GPM6A: variants seen among roughly 807,000 people sequenced by gnomAD.
GPM6A encodes glycoprotein M6A, also known as neuronal membrane glycoprotein M6-a.
In GPM6A, 7 loss-of-function variants were observed where a neutral mutation model predicts 32.1. The ratio of observed to expected loss-of-function variants is 0.22; its 90% CI spans 0.12 to 0.41. GPM6A has a LOEUF of 0.41. Ranked by LOEUF, GPM6A falls within the 10% of genes least tolerant of loss-of-function variation. The probability of loss-of-function intolerance (pLI) is 1.00; values close to 1 mark genes in which losing one functional copy is unlikely to be tolerated. For synonymous variants in GPM6A, 130 were observed against 123.4 expected (o/e 1.05, Z -0.35); for missense variants, 235 against 347.2 (o/e 0.68, Z 2.57).
intron 1 of GPM6A, among the ~76,000 whole-genome samples, chr4:175,873,183 G>GT (rs1736966088): frequency 7.5e-6 from 1 of 132,526 alleles, no homozygotes; most frequent in Non-Finnish European, 1.7e-5. Context: ...ACATAAGTAG[G>GT]TCCTAAAAAA....
intron 2 of GPM6A, among the ~76,000 whole-genome samples, chr4:175,686,887 A>G (rs1279794624): frequency 1.3e-5 from 2 of 152,256 alleles, no homozygotes; most frequent in South Asian, 2.1e-4. Context: ...GTGGTTTGAC[A>G]CACAAGTTGC....
chr4:175,805,875 T>C (rs894457092), intron 1 of GPM6A: 2 of 151,806 alleles, frequency 1.3e-5, no homozygotes, highest in Non-Finnish European at 2.9e-5. Context: ...ACTCACAATT[T>C]GAAAAAAAAA....
intron 1 of GPM6A, among the ~76,000 whole-genome samples, chr4:175,762,785 C>G (rs1053309594): frequency 1.3e-5 from 2 of 152,064 alleles, no homozygotes; most frequent in Non-Finnish European, 2.9e-5. Flanking sequence ...CCCACAACCC[C>G]CAGGGTGAGT....
At chr4:175,637,329 ATATAT>A (rs1740762115) in intron 6 of GPM6A, among the ~76,000 whole-genome samples, 1 of 46,014 alleles carries the variant, frequency 2.2e-5, no homozygotes, top group South Asian at 8.6e-4. Context: ...AATATATATT[ATATAT>A]TATATATTAT....
chr4:175,753,307 T>C (rs1426489086), intron 1 of GPM6A, among the ~76,000 whole-genome samples: 1 of 152,126 alleles, frequency 6.6e-6, no homozygotes, highest in Non-Finnish European at 1.5e-5. Context: ...AGAAAGCTGT[T>C]CAAAATGATC....
intron 1 of GPM6A, among the ~76,000 whole-genome samples, chr4:175,712,326 G>C (rs960245934): frequency 6.6e-6 from 1 of 152,092 alleles, no homozygotes; most frequent in Non-Finnish European, 1.5e-5. Context: ...GCTGCCCTGC[G>C]GCCACACTAT....
chr4:175,914,728 T>C (rs1388634174), intron 1 of GPM6A, among the ~76,000 whole-genome samples: 1 of 148,274 alleles, frequency 6.7e-6, no homozygotes, highest in East Asian at 1.9e-4. Context: ...TTAGTTTACA[T>C]TGTCAGAGCG....
chr4:175,698,086 A>G (rs1270625096), intron 2 of GPM6A, among the ~76,000 whole-genome samples: 1 of 152,114 alleles, frequency 6.6e-6, no homozygotes, highest in Non-Finnish European at 1.5e-5. Flanking sequence ...GATAGTGGAG[A>G]GAGGAAAAGA....
chr4:175,680,916 T>A (rs992756406), intron 2 of GPM6A, among the ~76,000 whole-genome samples: 8 of 152,198 alleles, frequency 5.3e-5, no homozygotes, highest in African/African-American at 1.9e-4. Context: ...AAAATTTCTC[T>A]ATACAAATTC....
In GPM6A at chr4:175,924,398, G is replaced by A. The variant is rs566240239; in HGVS notation, c.-23+77911C>T. 7.2e-5 allele frequency among the ~76,000 whole-genome samples: 11 copies of A among 152,306 alleles called. No homozygotes were observed. In the South Asian group the frequency reaches 2.3e-3, roughly 32 times the overall value. On this transcript the variant is annotated intron_variant, in intron 1 of 7. Coordinates refer to the GPM6A transcript ENST00000280187. ...ACACATTGTAACCCCCAAAGGTGCT[G>A]TGGCCCTTGCTAAAGACTGCGAAAG... is the stretch of plus-strand genomic sequence containing the variant.
intron 2 of GPM6A, among the ~76,000 whole-genome samples, chr4:175,685,861 C>A (rs1047154897): frequency 1.3e-5 from 2 of 152,068 alleles, no homozygotes; most frequent in African/African-American, 2.4e-5. Context: ...AGCTTATTGG[C>A]AAGCAGCATT....
intron 1 of GPM6A, among the ~76,000 whole-genome samples, chr4:175,966,446 T>C (rs1489697635): frequency 6.7e-6 from 1 of 148,656 alleles, no homozygotes; most frequent in Non-Finnish European, 1.5e-5. Context: ...TTTCAAAATA[T>C]TATATATATA....
chr4:175,796,786 A>G (rs1026230443), intron 1 of GPM6A, among the ~76,000 whole-genome samples: 11 of 152,212 alleles, frequency 7.2e-5, no homozygotes, highest in African/African-American at 2.7e-4. Flanking sequence ...GTTCAAAAAC[A>G]AAGAAGCAAA....
chr4:175,894,001 A>T (rs1359300536), intron 1 of GPM6A, among the ~76,000 whole-genome samples: 1 of 152,152 alleles, frequency 6.6e-6, no homozygotes, highest in Non-Finnish European at 1.5e-5. Flanking sequence ...TTGGTCAAAA[A>T]TCCAATCCTT....
chr4:175,707,598 T>C (rs1745272362), intron 1 of GPM6A, among the ~76,000 whole-genome samples: 4 of 152,238 alleles, frequency 2.6e-5, no homozygotes, highest in Admixed American at 2.6e-4. Flanking sequence ...TAAATTTAAG[T>C]TGATAATCAT....
intron 1 of GPM6A, among the ~76,000 whole-genome samples, chr4:175,780,606 T>G (rs1733580502): frequency 6.6e-6 from 1 of 152,232 alleles, no homozygotes. Context: ...TTTATAGTTT[T>G]CGCTTAATGA....
chr4:175,677,023 A>G (rs888716086), intron 2 of GPM6A, among the ~76,000 whole-genome samples: 3 of 152,154 alleles, frequency 2.0e-5, no homozygotes, highest in African/African-American at 7.2e-5. Context: ...ATTTCAGCAT[A>G]CCAGTACCCT....
chr4:175,993,767 T>A (rs752776809), intron 1 of GPM6A, among the ~76,000 whole-genome samples: 1 of 152,032 alleles, frequency 6.6e-6, no homozygotes, highest in Non-Finnish European at 1.5e-5. Flanking sequence ...CCCCAAATAA[T>A]GAAGGAAACA....
At chr4:175,762,367 A>C (rs894849143) in intron 1 of GPM6A, among the ~76,000 whole-genome samples, 3 of 152,156 alleles carry the variant, frequency 2.0e-5, no homozygotes, top group African/African-American at 7.2e-5. Context: ...TTATTCACTC[A>C]TTTATTTATT....
Sources: allele counts gnomAD v4.1 joint callset (sites outside exome capture counted in the v4.1 genomes callset), GRCh38; gene constraint gnomAD v4.1.1; transcripts MANE v1.5; gene names NCBI Gene and HGNC (gene_info 2026-07-23, HGNC 2026-07-21).